The following ELOVL6 variants were observed in gnomAD, a reference collection of about 807,000 sequenced individuals.
ELOVL6 encodes the protein very long chain fatty acid elongase 6.
Under a neutral mutation model 31.7 loss-of-function variants are expected in ELOVL6, and 8 were observed. The ratio of observed to expected loss-of-function variants is 0.25; its 90% confidence interval spans 0.15 to 0.45. ELOVL6 has a LOEUF of 0.45. Ranked by LOEUF, ELOVL6 falls within the 20% of genes least tolerant of loss-of-function variation. The pLI, the probability that ELOVL6 is intolerant of heterozygous loss-of-function variation, is 1.00. For missense variants in ELOVL6, 126 were observed against 326.4 expected, an observed-to-expected ratio of 0.39 and a Z score of 4.73; for synonymous variants, 101 against 117.7, an observed-to-expected ratio of 0.86 and a Z score of 0.92.
In ELOVL6 at chr4:110,087,803, G is replaced by GAAA. The variant is rs150416358; in HGVS notation, c.221+17693_221+17694insTTT. 2.1e-3 allele frequency among the ~76,000 whole-genome samples: 289 copies of GAAA among 135,540 alleles called. 2 individuals are homozygous for GAAA. Among genetic ancestry groups the GAAA allele is most frequent in the African/African-American group, 7.4e-3 (263 of 35,472 alleles). The allele number at this position is 135,540 out of a possible 152,430, so 88.9% of individuals were successfully genotyped here. A position where few individuals can be genotyped will look rare whatever the true frequency, so the allele number is the denominator to read the frequency against. ...AGCTCCTGTTACCTAAAATAAAATTGTAAAAAAAAAAAAAACCTCCTATTT... is the reference window on the plus strand; with the variant it reads ...AGCTCCTGTTACCTAAAATAAAATTGAAATAAAAAAAAAAAAAACCTCCTATTT... On this transcript the variant is annotated intron_variant, in intron 2 of 3. Coordinates refer to ENST00000302274, the MANE Select transcript of ELOVL6 (RefSeq NM_024090.3).
In ELOVL6 at chr4:110,059,837, G is replaced by A. The variant is rs921709552; in HGVS notation, c.222-83C>T. 24 of 1,235,940 alleles carry A rather than the reference G, an allele frequency of 1.9e-5. No homozygotes were observed. The African/African-American group carries it at 3.5e-4, about 18-fold the overall frequency. The allele number at this position is 1,235,940 out of a possible 1,614,324, so 76.6% of individuals were successfully genotyped here. On this transcript the variant is annotated intron_variant, in intron 2 of 3. Coordinates refer to ENST00000302274, the MANE Select transcript of ELOVL6 (RefSeq NM_024090.3). Reference sequence around the variant, plus strand: ...TCAACCATACTTAGAAGACTGGTTGGCCACTGGCAGGAAATAGGCATAAGA... The same window carrying A: ...TCAACCATACTTAGAAGACTGGTTGACCACTGGCAGGAAATAGGCATAAGA...
chr4:110,084,473 A>ATATCGC (rs1489883807), intron 2 of ELOVL6, among the ~76,000 whole-genome samples: 6 of 116,788 alleles, frequency 5.1e-5, no homozygotes, highest in Admixed American at 8.6e-5. Context: ...GATATATAAC[A>ATATCGC]ATATACACTA....
rs1262795923 is a variant in ELOVL6 at position 110,084,111 on chromosome 4, G to T, written c.221+21386C>A. 4.4e-4 allele frequency among the ~76,000 whole-genome samples: 21 copies of T among 48,028 alleles called. 2 individuals carry two copies. The highest frequency in any genetic ancestry group is 2.7e-3 in the African/African-American group (16 of 5,844). 31.5% of individuals were successfully genotyped at this position (48,028 alleles called of 152,430 possible). On this transcript the variant is annotated intron_variant, in intron 2 of 3. Transcript: ENST00000302274. ...TATATAACATATATATGATATATAT[G>T]ATATATATAACATATATGTGATAAT...
intron 1 of ELOVL6, among the ~76,000 whole-genome samples, chr4:110,116,839 T>C (rs1217112185): frequency 1.3e-5 from 2 of 152,264 alleles, no homozygotes; most frequent in Non-Finnish European, 2.9e-5. Flanking sequence ...TCCACCCAGA[T>C]GGCCTGCTAG....
intron 1 of ELOVL6, among the ~76,000 whole-genome samples, chr4:110,188,396 T>C (rs1759508567): frequency 1.3e-5 from 2 of 152,232 alleles, no homozygotes; most frequent in Middle Eastern, 3.4e-3. Context: ...TTGAATATTA[T>C]ATTAATATTC....
chr4:110,089,981 G>A (rs1331859322), intron 2 of ELOVL6, among the ~76,000 whole-genome samples: 3 of 152,068 alleles, frequency 2.0e-5, no homozygotes, highest in African/African-American at 7.2e-5. Flanking sequence ...CAGGCTTTAG[G>A]GTTTATTCCT....
chr4:110,180,927 C>T (rs544604662), intron 1 of ELOVL6, among the ~76,000 whole-genome samples: 13 of 152,146 alleles, frequency 8.5e-5, no homozygotes, highest in East Asian at 5.8e-4. Context: ...ACTTGAGACC[C>T]GGAATTCAAG....
intron 1 of ELOVL6, among the ~76,000 whole-genome samples, chr4:110,110,401 A>ATTTTTTTTTTTTTTTTTTTTTTTTTT (rs397878146): frequency 9.1e-6 from 1 of 109,784 alleles, no homozygotes; most frequent in Non-Finnish European, 1.7e-5. Context: ...TTTTCCGCAG[A>ATTTTTTTTTTTTTTTTTTTTTTTTTT]TTTTTTTTTT....
At chr4:110,125,814 G>T (rs1278401269) in intron 1 of ELOVL6, among the ~76,000 whole-genome samples, 1 of 147,896 alleles carries the variant, frequency 6.8e-6, no homozygotes, top group East Asian at 2.0e-4. Flanking sequence ...GCGACAGAGC[G>T]AGACTCCATC....
chr4:110,104,703 A>T (rs745377211), intron 2 of ELOVL6, among the ~76,000 whole-genome samples: 36 of 152,338 alleles, frequency 2.4e-4, no homozygotes, highest in Non-Finnish European at 4.9e-4. Context: ...GGTTTTGACA[A>T]GCAAAACACA....
intron 1 of ELOVL6, among the ~76,000 whole-genome samples, chr4:110,142,277 C>A (rs1272918729): frequency 6.6e-6 from 1 of 151,662 alleles, no homozygotes; most frequent in Admixed American, 6.6e-5. Flanking sequence ...GATCTCCTGA[C>A]CTCATGATCC....
intron 2 of ELOVL6, among the ~76,000 whole-genome samples, chr4:110,098,568 C>T (rs962735131): frequency 1.3e-5 from 2 of 152,114 alleles, no homozygotes; most frequent in Non-Finnish European, 2.9e-5. Flanking sequence ...TATTTCTCTC[C>T]TTCCCTTCCC....
At chr4:110,120,831 C>CGCTCTA (rs1757334428) in intron 1 of ELOVL6, among the ~76,000 whole-genome samples, 1 of 133,256 alleles carries the variant, frequency 7.5e-6, no homozygotes, top group Non-Finnish European at 1.5e-5. Flanking sequence ...AACAGAGTCT[C>CGCTCTA]GCTCTATCCC....
intron 1 of ELOVL6, among the ~76,000 whole-genome samples, chr4:110,129,056 C>T (rs1452536296): frequency 2.0e-5 from 3 of 152,196 alleles, no homozygotes; most frequent in Non-Finnish European, 4.4e-5. Flanking sequence ...TTCAAAAGGA[C>T]AGGCTTATCT....
intron 1 of ELOVL6, among the ~76,000 whole-genome samples, chr4:110,172,541 T>C (rs1183752532): frequency 6.6e-6 from 1 of 151,936 alleles, no homozygotes; most frequent in East Asian, 1.9e-4. Flanking sequence ...AGTACAAGGA[T>C]TAGAGGTAGA....
chr4:110,157,247 T>C (rs1758459603), intron 1 of ELOVL6, among the ~76,000 whole-genome samples: 1 of 152,196 alleles, frequency 6.6e-6, no homozygotes, highest in Admixed American at 6.5e-5. Context: ...AACTGAAGCA[T>C]AATATGAAAT....
intron 1 of ELOVL6, among the ~76,000 whole-genome samples, chr4:110,148,543 A>T (rs1400458387): frequency 6.6e-6 from 1 of 152,178 alleles, no homozygotes; most frequent in Non-Finnish European, 1.5e-5. Context: ...GTAAAAAAAT[A>T]GAAGGAATGA....
At chr4:110,068,816 T>C (rs774515796) in intron 2 of ELOVL6, among the ~76,000 whole-genome samples, 4 of 152,082 alleles carry the variant, frequency 2.6e-5, no homozygotes, top group Non-Finnish European at 2.9e-5. Flanking sequence ...AAAAACCACC[T>C]GGCAGAGTGA....
chr4:110,066,588 G>A (rs1008431170), intron 2 of ELOVL6, among the ~76,000 whole-genome samples: 3 of 136,824 alleles, frequency 2.2e-5, no homozygotes, highest in African/African-American at 5.5e-5. Flanking sequence ...GCAGTAAGCC[G>A]AGATTGCACC....
Sources: allele counts gnomAD v4.1 joint callset (sites outside exome capture counted in the v4.1 genomes callset), GRCh38; gene constraint gnomAD v4.1.1; transcripts MANE v1.5; gene names NCBI Gene and HGNC (gene_info 2026-07-23, HGNC 2026-07-21).